ASIC2: variants seen among roughly 807,000 people sequenced by gnomAD.
ASIC2 encodes acid-sensing ion channel 2.
A neutral mutation model predicts 57.3 loss-of-function variants in ASIC2; 25 were observed. That is an observed-to-expected ratio of 0.44 (90% CI 0.32 to 0.61). The LOEUF is 0.61. Among genes scored for constraint, ASIC2 ranks in the 20% least tolerant of loss-of-function variants. The pLI, the probability that ASIC2 is intolerant of heterozygous loss-of-function variation, is 0.06. For missense variants in ASIC2, 641 were observed against 738.1 expected, an observed-to-expected ratio of 0.87 and a Z score of 1.52; for synonymous variants, 319 against 307.5, an observed-to-expected ratio of 1.04 and a Z score of -0.39.
chr17:33,389,781 C>T (rs1262300981), intron 1 of ASIC2, among the ~76,000 whole-genome samples: 5 of 152,160 alleles, frequency 3.3e-5, no homozygotes, highest in Non-Finnish European at 5.9e-5. Flanking sequence ...TCCTGAGATA[C>T]TTGGGAAACT....
At chr17:33,018,618 G>A (rs1217959196) in intron 7 of ASIC2, among the ~76,000 whole-genome samples, 1 of 152,234 alleles carries the variant, frequency 6.6e-6, no homozygotes, top group Non-Finnish European at 1.5e-5. Context: ...GTGTGGCAGA[G>A]CCGAGGGCTC....
In ASIC2 at chr17:33,475,544, G is replaced by A. The variant is rs531663959; in HGVS notation, c.556-363477C>T. Among the ~76,000 whole-genome samples, 4 of 152,268 alleles carry A rather than the reference G, an allele frequency of 2.6e-5. No individual in the cohort carries two copies. The South Asian group carries it at 8.3e-4, about 32-fold the overall frequency. On this transcript the variant is annotated intron_variant, in intron 1 of 9. Coordinates refer to the ASIC2 transcript ENST00000359872. ...TTTGTTGTTTTGGCTTTGTTGGTTG[G>A]ACATAGTCTTAGGACTTTTTATTGA... is the stretch of plus-strand genomic sequence containing the variant.
intron 1 of ASIC2, among the ~76,000 whole-genome samples, chr17:33,615,457 T>C (rs1234728806): frequency 2.6e-5 from 4 of 152,182 alleles, no homozygotes; most frequent in Non-Finnish European, 5.9e-5. Context: ...TTATGGACAT[T>C]GAGTTGAAGC....
At chr17:34,042,240 T>G (rs1397136617) in intron 1 of ASIC2, among the ~76,000 whole-genome samples, 10 of 152,130 alleles carry the variant, frequency 6.6e-5, no homozygotes, top group Admixed American at 6.6e-4. Flanking sequence ...CTAATAAAAA[T>G]GGAAGCATAT....
intron 1 of ASIC2, among the ~76,000 whole-genome samples, chr17:33,432,408 C>T (rs562700582): frequency 1.3e-5 from 2 of 152,208 alleles, no homozygotes; most frequent in East Asian, 1.9e-4. Context: ...CCCAGCTACT[C>T]GGGAGACTCA....
chr17:34,023,354 T>TTCTC (rs371665567), intron 1 of ASIC2, among the ~76,000 whole-genome samples: 1 of 135,642 alleles, frequency 7.4e-6, no homozygotes, highest in Non-Finnish European at 1.6e-5. Flanking sequence ...CTGTTTCTCT[T>TTCTC]TCTCTCTCTC....
At chr17:33,979,683 A>G (rs1482834059) in intron 1 of ASIC2, among the ~76,000 whole-genome samples, 1 of 152,204 alleles carries the variant, frequency 6.6e-6, no homozygotes, top group Admixed American at 6.5e-5. Flanking sequence ...CTGCAGAGCT[A>G]GAGTGAACCA....
At chr17:33,255,179 A>G (rs1308235603) in intron 1 of ASIC2, among the ~76,000 whole-genome samples, 2 of 151,822 alleles carry the variant, frequency 1.3e-5, no homozygotes, top group African/African-American at 4.8e-5. Flanking sequence ...AGCTGGGACT[A>G]CAGGTATGCA....
At chr17:33,686,376 G>A (rs1908192251) in intron 1 of ASIC2, among the ~76,000 whole-genome samples, 1 of 152,168 alleles carries the variant, frequency 6.6e-6, no homozygotes, top group Non-Finnish European at 1.5e-5. Flanking sequence ...GGGTGTAAGG[G>A]CTCCCCCTGC....
At chr17:34,055,099 G>A (rs1253620574) in intron 1 of ASIC2, among the ~76,000 whole-genome samples, 1 of 152,200 alleles carries the variant, frequency 6.6e-6, no homozygotes, top group Non-Finnish European at 1.5e-5. Context: ...GAGAGAGGAA[G>A]AGGATATAAA....
At chr17:33,164,649 GGGCTTGCTCAA>G (rs998951336) in intron 1 of ASIC2, among the ~76,000 whole-genome samples, 1 of 151,986 alleles carries the variant, frequency 6.6e-6, no homozygotes, top group African/African-American at 2.4e-5. Flanking sequence ...ACTGTTGCAG[GGGCTTGCTCAA>G]GGCTTGCTTG....
intron 1 of ASIC2, among the ~76,000 whole-genome samples, chr17:33,807,082 C>G (rs1287098044): frequency 3.9e-5 from 6 of 152,124 alleles, no homozygotes; most frequent in African/African-American, 1.4e-4. Context: ...CAGTCACAGA[C>G]AGCATCTTCC....
intron 1 of ASIC2, among the ~76,000 whole-genome samples, chr17:34,081,130 T>C (rs779889995): frequency 5.9e-4 from 90 of 152,234 alleles, no homozygotes; most frequent in Non-Finnish European, 1.1e-3. Context: ...CAGGGGCCAA[T>C]TGCACTGAAA....
At chr17:33,789,933 G>A (rs1006787131) in intron 1 of ASIC2, among the ~76,000 whole-genome samples, 5 of 152,194 alleles carry the variant, frequency 3.3e-5, no homozygotes, top group African/African-American at 1.2e-4. Flanking sequence ...AAGTCCTATA[G>A]CATCTAGTGC....
chr17:34,083,533 T>C (rs937624366), intron 1 of ASIC2, among the ~76,000 whole-genome samples: 1 of 151,992 alleles, frequency 6.6e-6, no homozygotes. Flanking sequence ...TTTGGGTATA[T>C]ACCCAGTAAT....
At chr17:34,150,401 A>T (rs559405093) in intron 1 of ASIC2, among the ~76,000 whole-genome samples, 1 of 152,322 alleles carries the variant, frequency 6.6e-6, no homozygotes, top group Non-Finnish European at 1.5e-5. Flanking sequence ...TGTTCTTACC[A>T]TCCCCCCAAG....
intron 1 of ASIC2, among the ~76,000 whole-genome samples, chr17:33,137,100 GC>G: frequency 6.6e-6 from 1 of 152,294 alleles, no homozygotes; most frequent in East Asian, 1.9e-4. Context: ...CGGGACAGCC[GC>G]CTGCTGCTGG....
chr17:33,583,052 G>T (rs1294583021), intron 1 of ASIC2, among the ~76,000 whole-genome samples: 1 of 152,164 alleles, frequency 6.6e-6, no homozygotes, highest in Non-Finnish European at 1.5e-5. Flanking sequence ...GGGGACACTG[G>T]TGACTTCTAC....
At chr17:33,130,178 T>C (rs1022067318) in intron 1 of ASIC2, among the ~76,000 whole-genome samples, 5 of 152,112 alleles carry the variant, frequency 3.3e-5, no homozygotes, top group Admixed American at 3.3e-4. Flanking sequence ...CACAAAAATT[T>C]CCCAAAACAA....
Sources: allele counts gnomAD v4.1 joint callset (sites outside exome capture counted in the v4.1 genomes callset), GRCh38; gene constraint gnomAD v4.1.1; transcripts MANE v1.5; gene names NCBI Gene and HGNC (gene_info 2026-07-23, HGNC 2026-07-21).